Variants in LTBP1 observed in about 807,000 individuals in gnomAD.
LTBP1 encodes the protein latent transforming growth factor beta binding protein 1.
A neutral mutation model predicts 207.6 loss-of-function variants in LTBP1; 129 were observed. The ratio of observed to expected loss-of-function variants is 0.62; its 90% confidence interval spans 0.54 to 0.72. The LOEUF is 0.72. LTBP1 is among the 30% of genes least tolerant of loss of function. The pLI, the probability that LTBP1 is intolerant of heterozygous loss-of-function variation, is 0.00. For missense variants in LTBP1, 2,281 were observed against 2,217.2 expected, an observed-to-expected ratio of 1.03 and a Z score of -0.58; for synonymous variants, 963 against 833.7, an observed-to-expected ratio of 1.16 and a Z score of -2.67.
intron 5 of LTBP1, among the ~76,000 whole-genome samples, chr2:33,184,838 A>G (rs1481559758): frequency 4.0e-5 from 6 of 151,870 alleles, no homozygotes; most frequent in African/African-American, 1.5e-4. Flanking sequence ...CTAGCAGTAA[A>G]ACATAACAAG....
chr2:33,122,244 C>T (rs1252089825), intron 4 of LTBP1, among the ~76,000 whole-genome samples: 1 of 152,180 alleles, frequency 6.6e-6, no homozygotes, highest in Admixed American at 6.5e-5. Context: ...CTCTGGTCTG[C>T]TGACCTGCCA....
At chr2:33,064,132 C>A (rs530227260) in intron 3 of LTBP1, among the ~76,000 whole-genome samples, 1 of 152,132 alleles carries the variant, frequency 6.6e-6, no homozygotes. Context: ...GGATTACAGG[C>A]GTGAGCCACT....
In LTBP1 at chr2:33,293,995, C is replaced by CTTTTTTTTTTT. The variant is rs71409607; in HGVS notation, c.3235+731_3235+741dup. On this transcript the variant is annotated intron_variant, in intron 20 of 33. Coordinates refer to ENST00000404816, the MANE Select transcript of LTBP1 (RefSeq NM_206943.4). ...ATTAGTGAACAAAACTGGTACAGGTCTTTTTTTTTTTTTTTTTTTTTTTTT... is the reference window on the plus strand; with the variant it reads ...ATTAGTGAACAAAACTGGTACAGGTCTTTTTTTTTTTTTTTTTTTTTTTTTTTTTTTTTTTT... Among the ~76,000 whole-genome samples, 5 of 48,834 alleles carry CTTTTTTTTTTT rather than the reference C, an allele frequency of 1.0e-4. 1 individual carries two copies. The highest frequency in any genetic ancestry group is 3.5e-4 in the African/African-American group (4 of 11,540). The allele number at this position is 48,834 out of a possible 152,430, so 32.0% of individuals were successfully genotyped here. A position where few individuals can be genotyped will look rare whatever the true frequency, so the allele number is the denominator to read the frequency against.
At chr2:33,334,090 A>G (rs892699006) in intron 24 of LTBP1, among the ~76,000 whole-genome samples, 2 of 152,254 alleles carry the variant, frequency 1.3e-5, no homozygotes, top group African/African-American at 4.8e-5. Context: ...GTTTTACAAA[A>G]TGGTGACCTT....
rs369628420 is a variant in LTBP1, at chr2:33,277,797, C to CTTTCTTTCTT, written c.2992+1875_2992+1876insTTCTTTCTTT. Among the ~76,000 whole-genome samples the CTTTCTTTCTT allele has an allele frequency of 8.0e-3, 645 of 80,338 alleles. 8 individuals are homozygous for CTTTCTTTCTT. The highest frequency in any genetic ancestry group is 0.025 in the African/African-American group (483 of 19,090). The allele number at this position is 80,338 out of a possible 152,430, so 52.7% of individuals were successfully genotyped here. On this transcript the variant is annotated intron_variant, in intron 18 of 33. Transcript: ENST00000404816. ...TCTTTCTTTCTTTCTTTCTTTCTTT[C>CTTTCTTTCTT]TCTCTCTCTTTCTTTTTTTCTTTCT...
chr2:33,153,742 A>T (rs990078213), intron 5 of LTBP1, among the ~76,000 whole-genome samples: 6 of 152,216 alleles, frequency 3.9e-5, no homozygotes, highest in Non-Finnish European at 8.8e-5. Flanking sequence ...ATTTATCTAG[A>T]TTAACAGCAT....
intron 5 of LTBP1, among the ~76,000 whole-genome samples, chr2:33,149,640 T>G (rs2083352767): frequency 6.6e-6 from 1 of 152,124 alleles, no homozygotes; most frequent in South Asian, 2.1e-4. Flanking sequence ...GTGCAAGGAT[T>G]GAGATGGTTT....
At chr2:33,032,119 A>G (rs1027062149) in intron 3 of LTBP1, among the ~76,000 whole-genome samples, 2 of 152,030 alleles carry the variant, frequency 1.3e-5, no homozygotes, top group Non-Finnish European at 2.9e-5. Context: ...TCTAATGTTG[A>G]TCTCTCTCTC....
chr2:33,346,957 A>C (rs1033655259), intron 25 of LTBP1, among the ~76,000 whole-genome samples: 7 of 151,978 alleles, frequency 4.6e-5, no homozygotes, highest in African/African-American at 1.7e-4. Flanking sequence ...GCTACTTAAA[A>C]TACAAAACAA....
chr2:33,259,223 C>G (rs543870591), intron 12 of LTBP1, among the ~76,000 whole-genome samples: 126 of 152,264 alleles, frequency 8.3e-4, no homozygotes, highest in African/African-American at 2.9e-3. Flanking sequence ...AAACCTTTAA[C>G]CAATTAATGA....
chr2:32,985,017 A>G (rs935017758), intron 2 of LTBP1, among the ~76,000 whole-genome samples: 5 of 152,198 alleles, frequency 3.3e-5, no homozygotes, highest in Admixed American at 6.5e-5. Context: ...ACAAATTTTA[A>G]ATTTACTTGA....
At chr2:33,077,054 G>A (rs937062175) in intron 3 of LTBP1, among the ~76,000 whole-genome samples, 5 of 152,188 alleles carry the variant, frequency 3.3e-5, no homozygotes, top group Non-Finnish European at 5.9e-5. Context: ...TGATATTGCT[G>A]TTTTATAGGG....
chr2:33,136,972 T>C (rs1216479092), intron 5 of LTBP1, among the ~76,000 whole-genome samples: 1 of 152,170 alleles, frequency 6.6e-6, no homozygotes, highest in African/African-American at 2.4e-5. Context: ...TAATAAATAG[T>C]TTCACATTGG....
intron 10 of LTBP1, among the ~76,000 whole-genome samples, chr2:33,247,457 G>GA (rs540140541): frequency 2.6e-4 from 39 of 152,248 alleles, no homozygotes; most frequent in African/African-American, 5.3e-4. Context: ...TAGCCCATGG[G>GA]AAAAAATCTG....
chr2:33,310,992 T>C (rs185199857), intron 23 of LTBP1, among the ~76,000 whole-genome samples: 2 of 152,220 alleles, frequency 1.3e-5, no homozygotes, highest in African/African-American at 4.8e-5. Context: ...AAAAAATTGT[T>C]GGAGTTACTT....
chr2:33,185,716 C>G (rs1468249309), intron 5 of LTBP1, among the ~76,000 whole-genome samples: 1 of 152,112 alleles, frequency 6.6e-6, no homozygotes, highest in East Asian at 1.9e-4. Flanking sequence ...ATGTGGAAAC[C>G]ATTCATGACC....
At chr2:33,106,704 C>T (rs983574178) in intron 3 of LTBP1, among the ~76,000 whole-genome samples, 3 of 151,612 alleles carry the variant, frequency 2.0e-5, no homozygotes, top group East Asian at 3.9e-4. Flanking sequence ...GTCATCCAGG[C>T]TATGTTGTTG....
intron 5 of LTBP1, among the ~76,000 whole-genome samples, chr2:33,174,371 CAGAG>C (rs1372977562): frequency 2.6e-5 from 4 of 152,074 alleles, no homozygotes; most frequent in African/African-American, 7.2e-5. Flanking sequence ...AACAGACAAA[CAGAG>C]AGCCAAATCA....
intron 4 of LTBP1, among the ~76,000 whole-genome samples, chr2:33,128,182 T>TATATTCTATAAATAAC (rs1324234687): frequency 1.3e-5 from 2 of 152,224 alleles, no homozygotes; most frequent in East Asian, 3.8e-4. Flanking sequence ...CTTCTCCACA[T>TATATTCTATAAATAAC]ACAGATAGGT....
Sources: gnomAD v4.1 joint callset for allele counts (sites outside exome capture counted in the v4.1 genomes callset) on GRCh38, gnomAD v4.1.1 for gene constraint, MANE v1.5 for transcripts, NCBI Gene and HGNC (gene_info 2026-07-23, HGNC 2026-07-21) for gene names.